ULK2: variants seen among roughly 807,000 people sequenced by gnomAD.
ULK2 encodes the protein serine/threonine-protein kinase ULK2.
A neutral mutation model predicts 127.5 loss-of-function variants in ULK2; 76 were observed. The observed-to-expected ratio is 0.60, with a 90% CI of 0.50 to 0.72. The LOEUF (loss-of-function observed/expected upper bound fraction) is 0.72, where lower values mean the gene tolerates loss of function less well. Ranked by LOEUF, ULK2 falls within the 30% of genes least tolerant of loss-of-function variation. ULK2 has a pLI of 0.00. For missense variants in ULK2, 1,144 were observed against 1,295.9 expected, an observed-to-expected ratio of 0.88 and a Z score of 1.80; for synonymous variants, 452 against 461.9, an observed-to-expected ratio of 0.98 and a Z score of 0.28.
intron 14 of ULK2, among the ~76,000 whole-genome samples, chr17:19,806,276 A>G (rs1305470140): frequency 2.1e-5 from 3 of 142,440 alleles, no homozygotes; most frequent in African/African-American, 7.5e-5. Context: ...TAGTAAGTAA[A>G]CAGAGTTTTT....
chr17:19,801,214 C>T (rs149333674), intron 16 of ULK2, among the ~76,000 whole-genome samples: 1 of 152,274 alleles, frequency 6.6e-6, no homozygotes, highest in East Asian at 1.9e-4. Context: ...GCTTTTTATA[C>T]ATAAATTACA....
chr17:19,786,650 G>T (rs183569466), intron 20 of ULK2, among the ~76,000 whole-genome samples: 1 of 151,074 alleles, frequency 6.6e-6, no homozygotes, highest in Non-Finnish European at 1.5e-5. Flanking sequence ...GGAGGCAGAG[G>T]TTGCAGTGAG....
chr17:19,849,268 T>C, intron 5 of ULK2, 101 bp downstream of exon 5: 1 of 1,016,456 alleles, frequency 9.8e-7, no homozygotes, highest in South Asian at 1.5e-5. Flanking sequence ...AATGTTTCTA[T>C]ACAAGAGCAG....
intron 8 of ULK2, among the ~76,000 whole-genome samples, chr17:19,842,197 T>TC (rs2041778619): frequency 2.1e-5 from 3 of 143,548 alleles, no homozygotes; most frequent in African/African-American, 7.9e-5. Context: ...TTTCTTTTTT[T>TC]TTTTTTTTTT....
intron 12 of ULK2, among the ~76,000 whole-genome samples, chr17:19,823,726 T>C (rs2152392311): frequency 1.3e-5 from 2 of 152,176 alleles, no homozygotes; most frequent in South Asian, 4.1e-4. Context: ...AGTCACTGAG[T>C]GGGCAAGCAG....
At chr17:19,851,616 G>C (rs577772864) in intron 3 of ULK2, among the ~76,000 whole-genome samples, 1 of 150,008 alleles carries the variant, frequency 6.7e-6, no homozygotes, top group South Asian at 2.1e-4. Context: ...CTCCAGCCTA[G>C]GCAACAGAAT....
At chr17:19,834,334 T>C (rs1472722181) in intron 10 of ULK2, among the ~76,000 whole-genome samples, 2 of 152,152 alleles carry the variant, frequency 1.3e-5, no homozygotes, top group African/African-American at 2.4e-5. Context: ...TAGATAATTA[T>C]GGAAGACAGT....
At chr17:19,860,691 A>G (rs1194001937) in intron 3 of ULK2, among the ~76,000 whole-genome samples, 3 of 151,758 alleles carry the variant, frequency 2.0e-5, no homozygotes, top group African/African-American at 4.8e-5. Flanking sequence ...TGCCCAGCTA[A>G]TTTTGTATTT....
intron 20 of ULK2, among the ~76,000 whole-genome samples, chr17:19,789,360 A>G (rs148607674): frequency 2.6e-4 from 40 of 152,296 alleles, no homozygotes; most frequent in African/African-American, 9.4e-4. Flanking sequence ...AGTCTGCAAG[A>G]ACTACAGCAT....
At chr17:19,840,157 T>C in intron 9 of ULK2, 1 of 460,214 alleles carries the variant, frequency 2.2e-6, no homozygotes. Flanking sequence ...CTATCACGCC[T>C]GGCCACTGTG....
intron 14 of ULK2, among the ~76,000 whole-genome samples, chr17:19,807,496 T>C (rs187617839): frequency 1.8e-4 from 28 of 152,266 alleles, no homozygotes; most frequent in Admixed American, 1.3e-3. Flanking sequence ...AAGGAATAGA[T>C]ATTATATTCC....
At chr17:19,843,504 G>A (rs1223307264) in intron 7 of ULK2, among the ~76,000 whole-genome samples, 1 of 151,996 alleles carries the variant, frequency 6.6e-6, no homozygotes, top group African/African-American at 2.4e-5. Flanking sequence ...CAGTAAGAGG[G>A]CCGAAAGAGT....
chr17:19,835,705 A>T (rs2152395463), intron 10 of ULK2, among the ~76,000 whole-genome samples: 1 of 151,332 alleles, frequency 6.6e-6, no homozygotes, highest in South Asian at 2.1e-4. Context: ...TGATAGAGCA[A>T]GACTCCGTCT....
intron 10 of ULK2, among the ~76,000 whole-genome samples, chr17:19,830,159 T>C (rs2041402362): frequency 6.6e-6 from 1 of 152,026 alleles, no homozygotes; most frequent in African/African-American, 2.4e-5. Flanking sequence ...TGGGACATTC[T>C]CCAAAACAGA....
At chr17:19,825,911 G>A (rs1196765545) in intron 11 of ULK2, among the ~76,000 whole-genome samples, 13 of 150,658 alleles carry the variant, frequency 8.6e-5, no homozygotes, top group Admixed American at 7.3e-4. Flanking sequence ...GCTTGAACCC[G>A]GGAGGTGGAG....
intron 25 of ULK2, among the ~76,000 whole-genome samples, chr17:19,778,969 G>A (rs1312147091): frequency 6.6e-6 from 1 of 152,156 alleles, no homozygotes; most frequent in Non-Finnish European, 1.5e-5. Context: ...TCCATATGGA[G>A]GACATTTTTC....
At position 19,843,152 on chromosome 17, in the gene ULK2, TA is replaced by T; in HGVS notation, c.613del (p.Tyr205ThrfsTer4). The T allele has an allele frequency of 6.2e-7, 1 of 1,613,530 alleles. No individual in the cohort carries two copies. The highest frequency in any genetic ancestry group is 2.2e-5 in the East Asian group (1 of 44,840). On this transcript the variant is annotated frameshift_variant, in exon 8 of 27. Coordinates refer to ENST00000395544, the MANE Select transcript of ULK2 (RefSeq NM_014683.4). LOFTEE classifies it high-confidence loss of function. ...AGGTGGTTTTCCAACTAGGCATTGGTATATCACTGTTCCTATGCTCCACAAG... is the reference window on the plus strand; with the variant it reads ...AGGTGGTTTTCCAACTAGGCATTGGTTATCACTGTTCCTATGCTCCACAAG... Reference protein sequence around the residue: ...ADLWSIGTVIYQCLVGKPPFQ... With the variant: ...ADLWSIGTVIXQCLVGKPPFQ...
intron 9 of ULK2, chr17:19,840,525 T>C (rs1380566943): frequency 4.6e-6 from 2 of 431,056 alleles, no homozygotes; most frequent in Non-Finnish European, 9.0e-6. Context: ...AGTCTGTCAA[T>C]GATGACTATA....
chr17:19,783,878 A>G lies in ULK2; in HGVS notation c.2279T>C (p.Leu760Pro). Residue 760 changes from leucine to proline, a missense_variant, in exon 22 of 27, where the codon CTT becomes CCT. By Grantham distance (98) the Leu-to-Pro change is moderately conservative. Transcript: ENST00000395544. ...SVGPSNSGGS[L>P]CAMSGRVCVG... ...GCACACGCGGCCACTCATGGCACAAAGAGAGCCCCCGGAGTTGCTGGGCCC... is the reference window on the plus strand; with the variant it reads ...GCACACGCGGCCACTCATGGCACAAGGAGAGCCCCCGGAGTTGCTGGGCCC... The G allele has an allele frequency of 6.4e-7, 1 of 1,551,012 alleles. No homozygotes were observed. The highest frequency in any genetic ancestry group is 8.7e-7 in the Non-Finnish European group (1 of 1,148,194).
Sources: gnomAD v4.1 joint callset for allele counts (sites outside exome capture counted in the v4.1 genomes callset) on GRCh38, gnomAD v4.1.1 for gene constraint, MANE v1.5 for transcripts, NCBI Gene and HGNC (gene_info 2026-07-23, HGNC 2026-07-21) for gene names.